Variants in RASGRF2 observed in about 807,000 individuals in gnomAD.
RASGRF2 encodes Ras protein specific guanine nucleotide releasing factor 2, also known as ras-specific guanine nucleotide-releasing factor 2.
RASGRF2 carries 76 observed loss-of-function variants against 151.0 expected under a neutral mutation model. The ratio of observed to expected loss-of-function variants is 0.50; its 90% confidence interval spans 0.42 to 0.61. The LOEUF (loss-of-function observed/expected upper bound fraction) is 0.61, where lower values mean the gene tolerates loss of function less well. RASGRF2 is among the 20% of genes least tolerant of loss of function. The probability of loss-of-function intolerance (pLI) is 0.00; values close to 1 mark genes in which losing one functional copy is unlikely to be tolerated. For synonymous variants in RASGRF2, 504 were observed against 566.5 expected, an observed-to-expected ratio of 0.89 and a Z score of 1.57; for missense variants, 1,148 against 1,564.6, an observed-to-expected ratio of 0.73 and a Z score of 4.49.
At chr5:81,200,399 A>G (rs1338934697) in intron 18 of RASGRF2, among the ~76,000 whole-genome samples, 1 of 151,934 alleles carries the variant, frequency 6.6e-6, no homozygotes, top group East Asian at 1.9e-4. Context: ...ATTGCTTATT[A>G]CTCTCATTAT....
intron 1 of RASGRF2, among the ~76,000 whole-genome samples, chr5:80,981,728 G>A (rs1015313943): frequency 6.6e-6 from 1 of 152,026 alleles, no homozygotes; most frequent in African/African-American, 2.4e-5. Flanking sequence ...ATCACACGTG[G>A]CTAATTTTTG....
intron 2 of RASGRF2, among the ~76,000 whole-genome samples, chr5:81,046,155 C>T (rs1750829844): frequency 6.6e-6 from 1 of 152,158 alleles, no homozygotes; most frequent in Non-Finnish European, 1.5e-5. Flanking sequence ...GTAGATGCCA[C>T]TTAGATACAA....
At chr5:81,150,182 C>T (rs989689118) in intron 17 of RASGRF2, among the ~76,000 whole-genome samples, 1 of 152,166 alleles carries the variant, frequency 6.6e-6, no homozygotes, top group Non-Finnish European at 1.5e-5. Flanking sequence ...GTAAGAATGG[C>T]TCTCCAAGGG....
intron 2 of RASGRF2, among the ~76,000 whole-genome samples, chr5:81,055,875 A>C (rs576682746): frequency 4.1e-4 from 63 of 152,296 alleles, no homozygotes; most frequent in African/African-American, 1.4e-3. Context: ...GTATGTGTCC[A>C]GGAATTTATC....
intron 12 of RASGRF2, among the ~76,000 whole-genome samples, chr5:81,106,819 A>G (rs1752859100): frequency 6.6e-6 from 1 of 152,140 alleles, no homozygotes; most frequent in South Asian, 2.1e-4. Context: ...CTGGGAAAAC[A>G]CTATTTCCAA....
chr5:81,148,004 T>G (rs534408339), intron 17 of RASGRF2, among the ~76,000 whole-genome samples: 1 of 152,342 alleles, frequency 6.6e-6, no homozygotes, highest in Non-Finnish European at 1.5e-5. Flanking sequence ...TCTCCTGCCT[T>G]GCCTTCCTTA....
intron 18 of RASGRF2, among the ~76,000 whole-genome samples, chr5:81,189,776 A>G (rs986043657): frequency 2.7e-5 from 4 of 148,986 alleles, no homozygotes; most frequent in Non-Finnish European, 4.4e-5. Flanking sequence ...CAGTGGTGCA[A>G]TCTTGGCTCA....
chr5:81,207,235 A>G lies in RASGRF2; in HGVS notation c.2968-11A>G, dbSNP rs1315652178. 6.2e-6 allele frequency: 10 copies of G among 1,612,466 alleles called. No individual in the cohort carries two copies. The highest frequency in any genetic ancestry group is 7.6e-6 in the Non-Finnish European group (9 of 1,178,874). On this transcript the variant is annotated splice_polypyrimidine_tract_variant and intron_variant, in intron 20 of 26. Coordinates refer to ENST00000265080, the MANE Select transcript of RASGRF2 (RefSeq NM_006909.3). ...CCTGGGTGTTTCATTTCCCTCCCTC[A>G]TCTCTTGCAGACTGACTGCATGAAG...
At chr5:81,178,548 G>GGTCT (rs1754835047) in intron 17 of RASGRF2, among the ~76,000 whole-genome samples, 1 of 152,188 alleles carries the variant, frequency 6.6e-6, no homozygotes, top group Non-Finnish European at 1.5e-5. Context: ...TTTGCTTGTA[G>GGTCT]GTAATCATTT....
intron 17 of RASGRF2, among the ~76,000 whole-genome samples, chr5:81,138,273 T>G (rs1753803053): frequency 6.6e-6 from 1 of 152,156 alleles, no homozygotes; most frequent in Admixed American, 6.5e-5. Context: ...TGATATAGCT[T>G]CTTTTCCCAC....
At chr5:80,991,023 C>T (rs905867463) in intron 1 of RASGRF2, among the ~76,000 whole-genome samples, 25 of 152,174 alleles carry the variant, frequency 1.6e-4, no homozygotes, top group African/African-American at 6.0e-4. Flanking sequence ...TGTCTGGGAC[C>T]CATTATTTTT....
At chr5:81,100,061 G>C (rs1228270027) in intron 12 of RASGRF2, among the ~76,000 whole-genome samples, 4 of 151,730 alleles carry the variant, frequency 2.6e-5, no homozygotes, top group African/African-American at 7.3e-5. Context: ...GCACCCACCA[G>C]CATGCCCAGC....
intron 19 of RASGRF2, among the ~76,000 whole-genome samples, 200 bp from the exon 20 acceptor site, chr5:81,206,645 C>A (rs1755514153): frequency 6.6e-6 from 1 of 152,184 alleles, no homozygotes; most frequent in South Asian, 2.1e-4. Context: ...AATCAGCTGT[C>A]CTGATGATTC....
intron 3 of RASGRF2, chr5:81,070,244 T>G: frequency 2.6e-6 from 1 of 382,824 alleles, no homozygotes; most frequent in Non-Finnish European, 4.9e-6. Context: ...TGGGCCAACA[T>G]TTCTGCTAGC....
Position 81,150,635 on chromosome 5 carries a change from A to AAC in RASGRF2, c.2686+23486_2686+23487dup, listed in dbSNP as rs148311320. On this transcript the variant is annotated intron_variant, in intron 17 of 26. Transcript: ENST00000265080. Reference sequence around the variant, plus strand: ...ATGTGCATGCATGTATGTGCACGTGAACACACACACACACATACACACACA... The same window carrying AAC: ...ATGTGCATGCATGTATGTGCACGTGAACACACACACACACACATACACACACA... Among the ~76,000 whole-genome samples, 247 of 151,852 alleles carry AAC rather than the reference A, an allele frequency of 1.6e-3. 2 individuals carry two copies. The highest frequency in any genetic ancestry group is 2.8e-3 in the Non-Finnish European group (187 of 67,858).
intron 1 of RASGRF2, among the ~76,000 whole-genome samples, chr5:80,973,217 G>A: frequency 6.6e-6 from 1 of 152,154 alleles, no homozygotes; most frequent in East Asian, 1.9e-4. Flanking sequence ...ACAGATCACA[G>A]AAGACCCAAC....
intron 17 of RASGRF2, among the ~76,000 whole-genome samples, chr5:81,179,698 G>A (rs1269144233): frequency 6.6e-6 from 1 of 152,142 alleles, no homozygotes; most frequent in Non-Finnish European, 1.5e-5. Context: ...CCGTGATGCT[G>A]TACTGCTTCT....
chr5:81,044,010 A>ATTGTATACACC, intron 2 of RASGRF2, among the ~76,000 whole-genome samples: 1 of 152,184 alleles, frequency 6.6e-6, no homozygotes, highest in East Asian at 1.9e-4. Context: ...CCTGAGTGGG[A>ATTGTATACACC]TTGTATACAC....
intron 1 of RASGRF2, among the ~76,000 whole-genome samples, chr5:81,022,894 C>T (rs1011471058): frequency 6.6e-6 from 1 of 152,144 alleles, no homozygotes; most frequent in Non-Finnish European, 1.5e-5. Flanking sequence ...GGGTCTAGTT[C>T]TAGGTGAGGG....
Sources: allele counts gnomAD v4.1 joint callset (sites outside exome capture counted in the v4.1 genomes callset), GRCh38; gene constraint gnomAD v4.1.1; transcripts MANE v1.5; gene names NCBI Gene and HGNC (gene_info 2026-07-23, HGNC 2026-07-21).